The following HDAC9 variants were observed in gnomAD, a reference collection of about 807,000 sequenced individuals.
HDAC9 encodes histone deacetylase 9.
HDAC9 carries 41 observed loss-of-function variants against 139.4 expected under a neutral mutation model. The observed-to-expected ratio is 0.29, with a 90% confidence interval of 0.23 to 0.38. The LOEUF (loss-of-function observed/expected upper bound fraction) is 0.38. Ranked by LOEUF, HDAC9 falls within the 10% of genes least tolerant of loss-of-function variation. HDAC9 has a pLI of 1.00. For missense variants in HDAC9, 1,147 were observed against 1,297.0 expected, an observed-to-expected ratio of 0.88 and a Z score of 1.78; for synonymous variants, 517 against 476.2, an observed-to-expected ratio of 1.09 and a Z score of -1.12.
chr7:18,940,131 A>G (rs1287771420), intron 23 of HDAC9, among the ~76,000 whole-genome samples: 1 of 152,212 alleles, frequency 6.6e-6, no homozygotes, highest in African/African-American at 2.4e-5. Flanking sequence ...AACCCAAAGT[A>G]ATTATAAAAT....
rs115655560 is a variant in HDAC9, at chr7:18,331,909, A to T, written c.-42+41394A>T. Among the ~76,000 whole-genome samples the T allele has an allele frequency of 2.9e-3, 436 of 151,592 alleles. 2 individuals are homozygous for T. Among genetic ancestry groups the T allele is most frequent in the African/African-American group, 9.5e-3 (393 of 41,418 alleles). Reference sequence around the variant, plus strand: ...GTTCACAAAATTTGAGTTCAGTGGCACAGTGGTGATCACATGTGCGGAGCC... The same window carrying T: ...GTTCACAAAATTTGAGTTCAGTGGCTCAGTGGTGATCACATGTGCGGAGCC... On this transcript the variant is annotated intron_variant, in intron 1 of 3. Coordinates refer to the HDAC9 transcript ENST00000413509.
intron 2 of HDAC9, among the ~76,000 whole-genome samples, chr7:18,559,981 T>C (rs1229410560): frequency 6.6e-6 from 1 of 152,212 alleles, no homozygotes; most frequent in Non-Finnish European, 1.5e-5. Flanking sequence ...GAATAGATAA[T>C]ACATGACATG....
chr7:18,135,140 G>C (rs1186650235), intron 1 of HDAC9, among the ~76,000 whole-genome samples: 1 of 151,892 alleles, frequency 6.6e-6, no homozygotes, highest in East Asian at 1.9e-4. Flanking sequence ...CCTTTTTCAA[G>C]TGGATACTGT....
intron 12 of HDAC9, among the ~76,000 whole-genome samples, chr7:18,723,598 C>T (rs531268417): frequency 1.3e-5 from 2 of 152,102 alleles, no homozygotes; most frequent in South Asian, 4.1e-4. Flanking sequence ...ATGCTGCTTA[C>T]TGAATTGTGA....
chr7:18,871,801 C>T (rs1317658937), intron 21 of HDAC9, among the ~76,000 whole-genome samples: 1 of 152,070 alleles, frequency 6.6e-6, no homozygotes, highest in Admixed American at 6.6e-5. Context: ...CATGGACATT[C>T]GTAAATTCAT....
chr7:18,214,004 TA>T (rs1416295949), intron 2 of HDAC9, among the ~76,000 whole-genome samples: 1 of 152,082 alleles, frequency 6.6e-6, no homozygotes, highest in Non-Finnish European at 1.5e-5. Context: ...TAAGTGATAT[TA>T]GAACATAAAC....
intron 1 of HDAC9, chr7:18,327,471 A>T (rs772699671): frequency 1.3e-5 from 2 of 151,910 alleles, no homozygotes; most frequent in Non-Finnish European, 2.9e-5. Flanking sequence ...CATAGATTCA[A>T]CCTACTATGA....
At chr7:18,725,452 A>G (rs961560794) in intron 12 of HDAC9, among the ~76,000 whole-genome samples, 1 of 102,694 alleles carries the variant, frequency 9.7e-6, no homozygotes, top group Non-Finnish European at 2.0e-5. Context: ...GACAGGCTGT[A>G]GAGATTCTTC....
At chr7:18,265,556 A>G (rs1283651623) in intron 2 of HDAC9, among the ~76,000 whole-genome samples, 1 of 152,180 alleles carries the variant, frequency 6.6e-6, no homozygotes, top group Non-Finnish European at 1.5e-5. Context: ...ATGATAATTC[A>G]GTAGATTCCT....
Position 18,874,165 on chromosome 7 carries a change from A to C in HDAC9, c.2685-313A>C, listed in dbSNP as rs547685448. On this transcript the variant is annotated intron_variant, in intron 21 of 25. Transcript: ENST00000686413. ...TCCCTTGGAAGAAGCAGTTTTTTAT[A>C]GGCAGTGGGATAAAACAGCCACAGA... 6.6e-5 allele frequency among the ~76,000 whole-genome samples: 10 copies of C among 151,898 alleles called. 1 individual carries two copies. In the East Asian group the frequency reaches 1.8e-3, roughly 27 times the overall value.
chr7:18,372,932 T>C (rs2128704077), intron 1 of HDAC9, among the ~76,000 whole-genome samples: 1 of 152,308 alleles, frequency 6.6e-6, no homozygotes, highest in South Asian at 2.1e-4. Context: ...GGAAATTGCA[T>C]GTTTAGTCAT....
chr7:18,931,891 A>G (rs555732353), intron 22 of HDAC9, among the ~76,000 whole-genome samples: 1 of 152,280 alleles, frequency 6.6e-6, no homozygotes, highest in African/African-American at 2.4e-5. Flanking sequence ...CAGGGCAGTC[A>G]TTGATTCTGT....
intron 7 of HDAC9, among the ~76,000 whole-genome samples, chr7:18,632,284 A>G (rs181154068): frequency 4.6e-5 from 7 of 152,224 alleles, no homozygotes; most frequent in African/African-American, 1.4e-4. Context: ...ATTTTATTAT[A>G]CTAATAATTT....
intron 1 of HDAC9, among the ~76,000 whole-genome samples, chr7:18,372,597 G>A (rs1471547529): frequency 6.6e-5 from 10 of 152,216 alleles, no homozygotes; most frequent in Admixed American, 5.9e-4. Context: ...TGATAGAAGA[G>A]TAAGAGGGGC....
chr7:18,438,693 C>CTGTGTGTG (rs367824633), intron 1 of HDAC9, among the ~76,000 whole-genome samples: 1 of 147,604 alleles, frequency 6.8e-6, no homozygotes, highest in African/African-American at 2.5e-5. Flanking sequence ...TATAATGTGT[C>CTGTGTGTG]TGTGTGTGTG....
chr7:18,398,748 A>C (rs1282849744), intron 1 of HDAC9, among the ~76,000 whole-genome samples: 1 of 152,038 alleles, frequency 6.6e-6, no homozygotes, highest in East Asian at 1.9e-4. Flanking sequence ...TTGAGCTAAG[A>C]CTCTATATGC....
chr7:18,092,911 A>G (rs1016412085), intron 1 of HDAC9, among the ~76,000 whole-genome samples: 7 of 152,208 alleles, frequency 4.6e-5, no homozygotes, highest in Admixed American at 2.0e-4. Context: ...ATTAGTCCCT[A>G]AATATATTCC....
At chr7:18,617,153 A>G (rs1169770492) in intron 6 of HDAC9, among the ~76,000 whole-genome samples, 1 of 152,034 alleles carries the variant, frequency 6.6e-6, no homozygotes, top group Non-Finnish European at 1.5e-5. Flanking sequence ...TATTTTGTTC[A>G]GCCTCCATTC....
chr7:18,848,558 G>C (rs1240729671), intron 21 of HDAC9, among the ~76,000 whole-genome samples: 1 of 151,828 alleles, frequency 6.6e-6, no homozygotes, highest in Non-Finnish European at 1.5e-5. Context: ...GTAATCCGGT[G>C]AGAGCGCTCT....
Sources: gnomAD v4.1 joint callset for allele counts (sites outside exome capture counted in the v4.1 genomes callset) on GRCh38, gnomAD v4.1.1 for gene constraint, MANE v1.5 for transcripts, NCBI Gene and HGNC (gene_info 2026-07-23, HGNC 2026-07-21) for gene names.